GABRB1: variants seen among roughly 807,000 people sequenced by gnomAD.
GABRB1 encodes the protein gamma-aminobutyric acid receptor subunit beta-1.
Under a neutral mutation model 51.6 loss-of-function variants are expected in GABRB1, and 17 were observed. That is an observed-to-expected ratio of 0.33 (90% CI 0.23 to 0.49). The LOEUF is 0.49. Ranked by LOEUF, GABRB1 falls within the 20% of genes least tolerant of loss-of-function variation. GABRB1 has a pLI of 0.99. For missense variants in GABRB1, 410 were observed against 600.6 expected, an observed-to-expected ratio of 0.68 and a Z score of 3.32; for synonymous variants, 247 against 218.9, an observed-to-expected ratio of 1.13 and a Z score of -1.14.
At chr4:47,209,817 C>T (rs1720283321) in intron 4 of GABRB1, among the ~76,000 whole-genome samples, 2 of 151,484 alleles carry the variant, frequency 1.3e-5, no homozygotes, top group Admixed American at 1.3e-4. Context: ...AAAAAATGTA[C>T]AGTTTGTGAC....
chr4:47,209,720 A>G (rs1452078861), intron 4 of GABRB1, among the ~76,000 whole-genome samples: 1 of 152,188 alleles, frequency 6.6e-6, no homozygotes, highest in African/African-American at 2.4e-5. Context: ...GAATCAAAAA[A>G]ATACATCAAT....
At chr4:47,401,319 T>C (rs535255269) in intron 5 of GABRB1, among the ~76,000 whole-genome samples, 1 of 152,338 alleles carries the variant, frequency 6.6e-6, no homozygotes, top group South Asian at 2.1e-4. Context: ...TGGCACAATA[T>C]CTATGGAAAA....
intron 8 of GABRB1, among the ~76,000 whole-genome samples, chr4:47,415,825 A>C (rs1728899907): frequency 6.6e-6 from 1 of 152,204 alleles, no homozygotes; most frequent in Non-Finnish European, 1.5e-5. Flanking sequence ...ATTCATTCAG[A>C]TACACCTCAA....
chr4:47,207,078 G>A (rs913010844), intron 4 of GABRB1, among the ~76,000 whole-genome samples: 3 of 151,850 alleles, frequency 2.0e-5, no homozygotes, highest in East Asian at 1.9e-4. Context: ...GACAGGGAAG[G>A]AAAGAATAAG....
intron 5 of GABRB1, among the ~76,000 whole-genome samples, chr4:47,322,662 A>G (rs1192019760): frequency 6.6e-6 from 1 of 152,110 alleles, no homozygotes; most frequent in Non-Finnish European, 1.5e-5. Context: ...TGCGTAAGGG[A>G]CCATGGCATC....
chr4:47,072,712 G>A (rs761399828), intron 3 of GABRB1, among the ~76,000 whole-genome samples: 9 of 152,232 alleles, frequency 5.9e-5, no homozygotes, highest in East Asian at 3.9e-4. Flanking sequence ...CAGTGATTAT[G>A]TATTGTATCA....
At chr4:47,151,820 TTA>T (rs1717472995) in intron 3 of GABRB1, among the ~76,000 whole-genome samples, 1 of 152,038 alleles carries the variant, frequency 6.6e-6, no homozygotes, top group Admixed American at 6.6e-5. Flanking sequence ...TTTGTTTTGA[TTA>T]TTGACTAACT....
At chr4:47,306,659 T>A (rs983541264) in intron 4 of GABRB1, among the ~76,000 whole-genome samples, 1 of 152,188 alleles carries the variant, frequency 6.6e-6, no homozygotes, top group Non-Finnish European at 1.5e-5. Flanking sequence ...GCTACACATA[T>A]GTGATTCCCT....
At chr4:47,088,499 G>A (rs756691593) in intron 3 of GABRB1, among the ~76,000 whole-genome samples, 1 of 152,182 alleles carries the variant, frequency 6.6e-6, no homozygotes, top group Non-Finnish European at 1.5e-5. Context: ...AGGACAGCTT[G>A]GCATGTTTGC....
Position 47,350,717 on chromosome 4 carries a change from C to G in GABRB1, c.544+30508C>G, listed in dbSNP as rs182275167. 2.1e-4 allele frequency among the ~76,000 whole-genome samples: 32 copies of G among 152,092 alleles called. No individual in the cohort carries two copies. In the East Asian group the frequency reaches 5.6e-3, roughly 27 times the overall value. ...CACATATACCACCCAGAAAAATAAT[C>G]CCTTTTTAAAATATATGTAGAGTGC... On this transcript the variant is annotated intron_variant, in intron 5 of 8. Transcript: ENST00000295454.
At chr4:47,400,519 G>A (rs1438137844) in intron 5 of GABRB1, among the ~76,000 whole-genome samples, 2 of 105,248 alleles carry the variant, frequency 1.9e-5, no homozygotes, top group African/African-American at 3.9e-5. Context: ...TGATGCACCA[G>A]GAGGTAGTCT....
intron 5 of GABRB1, among the ~76,000 whole-genome samples, chr4:47,398,728 G>A (rs995792089): frequency 3.3e-5 from 5 of 152,148 alleles, no homozygotes. Context: ...GGGACTGCAA[G>A]CGCCCGCCAC....
intron 4 of GABRB1, among the ~76,000 whole-genome samples, chr4:47,261,887 C>T (rs553535293): frequency 8.9e-4 from 136 of 152,126 alleles, no homozygotes; most frequent in African/African-American, 2.1e-3. Flanking sequence ...GAAATAACGC[C>T]GCATATCTAC....
At chr4:47,111,098 T>G (rs1439977836) in intron 3 of GABRB1, among the ~76,000 whole-genome samples, 1 of 152,240 alleles carries the variant, frequency 6.6e-6, no homozygotes, top group Non-Finnish European at 1.5e-5. Context: ...TAATTTTCAG[T>G]AGTTCTTCAA....
intron 5 of GABRB1, among the ~76,000 whole-genome samples, chr4:47,368,809 C>G (rs945690420): frequency 6.6e-6 from 1 of 152,070 alleles, no homozygotes. Context: ...CTGAAACTTT[C>G]ATAAAAAGTT....
intron 3 of GABRB1, among the ~76,000 whole-genome samples, chr4:47,076,762 A>G (rs922305038): frequency 6.6e-6 from 1 of 152,164 alleles, no homozygotes; most frequent in African/African-American, 2.4e-5. Flanking sequence ...CTTCTCTCCC[A>G]GAGACAACAT....
At chr4:47,081,067 T>C (rs931395586) in intron 3 of GABRB1, among the ~76,000 whole-genome samples, 24 of 152,180 alleles carry the variant, frequency 1.6e-4, no homozygotes, top group African/African-American at 1.2e-4. Flanking sequence ...TGTTTAACAA[T>C]GAATAACGAT....
intron 5 of GABRB1, among the ~76,000 whole-genome samples, chr4:47,373,161 G>A (rs1019933190): frequency 6.6e-6 from 1 of 152,170 alleles, no homozygotes; most frequent in Non-Finnish European, 1.5e-5. Flanking sequence ...AGGAGGTGAA[G>A]GGAAAACCAC....
At chr4:47,368,943 A>G (rs1436496597) in intron 5 of GABRB1, among the ~76,000 whole-genome samples, 1 of 152,032 alleles carries the variant, frequency 6.6e-6, no homozygotes, top group Non-Finnish European at 1.5e-5. Context: ...CACCGTCTCT[A>G]CTAAACATAC....
Sources: allele counts gnomAD v4.1 joint callset (sites outside exome capture counted in the v4.1 genomes callset), GRCh38; gene constraint gnomAD v4.1.1; transcripts MANE v1.5; gene names NCBI Gene and HGNC (gene_info 2026-07-23, HGNC 2026-07-21).